The following FBXW8 variants were observed in gnomAD, a reference collection of about 807,000 sequenced individuals.
The protein encoded by FBXW8 is F-box/WD repeat-containing protein 8.
In FBXW8, 57 loss-of-function variants were observed where a neutral mutation model predicts 65.3. The observed-to-expected ratio is 0.87, with a 90% CI of 0.71 to 1.09. The LOEUF (loss-of-function observed/expected upper bound fraction) is 1.09, where lower values mean the gene tolerates loss of function less well. Among genes scored for constraint, FBXW8 ranks in the 50% least tolerant of loss-of-function variants. The pLI, the probability that FBXW8 is intolerant of heterozygous loss-of-function variation, is 0.00. For missense variants in FBXW8, 777 were observed against 814.8 expected (o/e 0.95, Z 0.57); for synonymous variants, 308 against 330.2 (o/e 0.93, Z 0.73).
At chr12:117,002,465 G>A (rs1953551800) in intron 7 of FBXW8, 1 of 152,228 alleles carries the variant, frequency 6.6e-6, no homozygotes, top group Admixed American at 6.5e-5. Context: ...AGGGGGTCAG[G>A]GATCCATTTC....
chr12:117,019,559 C>T (rs927232389), intron 8 of FBXW8, among the ~76,000 whole-genome samples: 9 of 152,166 alleles, frequency 5.9e-5, no homozygotes, highest in African/African-American at 2.2e-4. Context: ...TGTCCTAAAA[C>T]GACGTGTTGT....
intron 4 of FBXW8, among the ~76,000 whole-genome samples, chr12:116,952,048 A>T (rs1883317604): frequency 6.6e-6 from 1 of 152,154 alleles, no homozygotes; most frequent in Non-Finnish European, 1.5e-5. Flanking sequence ...TTTCTTTCCA[A>T]GCTACCTTTT....
intron 8 of FBXW8, among the ~76,000 whole-genome samples, chr12:117,017,647 A>C (rs1953983708): frequency 6.6e-6 from 1 of 152,220 alleles, no homozygotes; most frequent in Non-Finnish European, 1.5e-5. Context: ...TTTCTTTAAA[A>C]AAATACTATT....
chr12:116,976,450 CTTTT>C (rs35364851), intron 5 of FBXW8, among the ~76,000 whole-genome samples: 2 of 64,608 alleles, frequency 3.1e-5, no homozygotes, highest in Admixed American at 2.8e-4. Context: ...CCAAAGGATC[CTTTT>C]TTTTTTTTTT....
intron 7 of FBXW8, among the ~76,000 whole-genome samples, chr12:117,001,656 A>G (rs1204369243): frequency 1.3e-5 from 2 of 152,118 alleles, no homozygotes; most frequent in Non-Finnish European, 2.9e-5. Context: ...TCCGTGTGTC[A>G]GTGTTCCTGG....
At chr12:116,997,552 G>T (rs890305802) in intron 7 of FBXW8, among the ~76,000 whole-genome samples, 41 of 152,124 alleles carry the variant, frequency 2.7e-4, no homozygotes, top group African/African-American at 8.9e-4. Flanking sequence ...CACTTGTTAG[G>T]TGCCTCCTTC....
intron 7 of FBXW8, among the ~76,000 whole-genome samples, chr12:116,995,921 T>C (rs1464061418): frequency 6.6e-6 from 1 of 152,212 alleles, no homozygotes; most frequent in Non-Finnish European, 1.5e-5. Flanking sequence ...AAAAATACTT[T>C]CATCCATGGA....
At chr12:116,991,292 T>G (rs1337387025) in intron 7 of FBXW8, among the ~76,000 whole-genome samples, 1 of 152,244 alleles carries the variant, frequency 6.6e-6, no homozygotes, top group Non-Finnish European at 1.5e-5. Flanking sequence ...TGCTTATTTT[T>G]ACAGAGACAA....
intron 8 of FBXW8, among the ~76,000 whole-genome samples, chr12:117,010,866 T>C (rs1041950552): frequency 6.6e-6 from 1 of 152,216 alleles, no homozygotes; most frequent in African/African-American, 2.4e-5. Context: ...AGAGTGTATT[T>C]CAGAACACGG....
rs759311689 is a variant in FBXW8, at chr12:116,988,714, G to A, written c.1084G>A (p.Ala362Thr). 2.5e-6 allele frequency: 4 copies of A among 1,614,006 alleles called. No homozygotes were observed. In the African/African-American group the frequency reaches 5.3e-5, roughly 22 times the overall value. The change falls in exon 7 of 11, where the codon GCC becomes ACC. Residue 362 changes from alanine (A) to threonine (T), a missense_variant. Ala to Thr is a moderately conservative substitution (Grantham distance 58). Transcript: ENST00000652555. ...PETRRYPVAV[A>T]AAGDLMYLLK... Reference sequence around the variant, plus strand: ...AACCAGAAGGTACCCTGTGGCAGTAGCCGCTGCTGGAGATCTGATGTACCT... The same window carrying A: ...AACCAGAAGGTACCCTGTGGCAGTAACCGCTGCTGGAGATCTGATGTACCT...
Position 116,911,068 on chromosome 12 carries a change from C to T in FBXW8, c.31C>T (p.Arg11Trp), listed in dbSNP as rs374397512. 3 of 1,449,122 alleles carry T rather than the reference C, an allele frequency of 2.1e-6. No homozygotes were observed. Among genetic ancestry groups the T allele is most frequent in the Middle Eastern group, 1.9e-4 (1 of 5,230 alleles). The allele number at this position is 1,449,122 out of a possible 1,614,324, so 89.8% of individuals were successfully genotyped here. MDDYSLDEFR[R>W]RWQEELAQAQ... ...CGACTACAGCCTGGATGAGTTCCGT[C>T]GGCGCTGGCAGGAGGAGCTGGCGCA... Residue 11 changes from arginine to tryptophan, a missense_variant, in exon 1 of 11, where the codon CGG becomes TGG. Physicochemically the swap from Arg to Trp is moderately radical, Grantham distance 101 (BLOSUM62 -3). Transcript: ENST00000652555.
At chr12:116,992,776 G>GTGTGTC (rs1592935076) in intron 7 of FBXW8, among the ~76,000 whole-genome samples, 1 of 149,488 alleles carries the variant, frequency 6.7e-6, no homozygotes, top group South Asian at 2.1e-4. Flanking sequence ...GTGTGTGTGT[G>GTGTGTC]TGTGTGTGTG....
At chr12:116,938,137 T>A (rs1300583334) in intron 2 of FBXW8, among the ~76,000 whole-genome samples, 1 of 152,222 alleles carries the variant, frequency 6.6e-6, no homozygotes, top group African/African-American at 2.4e-5. Context: ...GGTCTTTTTC[T>A]TGTTGATTTT....
chr12:117,027,252 TGG>T, intron 9 of FBXW8, 140 bp from the exon 10 acceptor site: 1 of 668,288 alleles, frequency 1.5e-6, no homozygotes, highest in Non-Finnish European at 2.6e-6. Flanking sequence ...ACTGCTTCCA[TGG>T]GGGCCCTGTT....
intron 2 of FBXW8, among the ~76,000 whole-genome samples, chr12:116,934,962 C>A (rs1225905101): frequency 6.6e-6 from 1 of 152,168 alleles, no homozygotes; most frequent in Non-Finnish European, 1.5e-5. Flanking sequence ...GACCCTTTCA[C>A]CCCCAGCTCC....
chr12:116,952,875 C>T (rs1352733052), intron 4 of FBXW8, among the ~76,000 whole-genome samples: 3 of 152,102 alleles, frequency 2.0e-5, no homozygotes, highest in Non-Finnish European at 4.4e-5. Flanking sequence ...GTAGCTGGGA[C>T]TACGGGCGTG....
At chr12:116,912,581 TCC>T (rs1201691603) in intron 1 of FBXW8, among the ~76,000 whole-genome samples, 1 of 149,710 alleles carries the variant, frequency 6.7e-6, no homozygotes, top group East Asian at 2.0e-4. Flanking sequence ...TGCCTCAGCC[TCC>T]CCAGTAGCTG....
intron 3 of FBXW8, among the ~76,000 whole-genome samples, chr12:116,947,411 G>A (rs1157760679): frequency 6.6e-6 from 1 of 152,052 alleles, no homozygotes; most frequent in African/African-American, 2.4e-5. Flanking sequence ...ATGTAATGGT[G>A]GGATTCTTAC....
At chr12:117,022,842 T>A (rs1954132714) in intron 8 of FBXW8, among the ~76,000 whole-genome samples, 1 of 152,212 alleles carries the variant, frequency 6.6e-6, no homozygotes, top group Non-Finnish European at 1.5e-5. Context: ...CATCCTCCTT[T>A]ACAGATGTGT....
Sources: allele counts gnomAD v4.1 joint callset (sites outside exome capture counted in the v4.1 genomes callset), GRCh38; gene constraint gnomAD v4.1.1; transcripts MANE v1.5; gene names NCBI Gene and HGNC (gene_info 2026-07-23, HGNC 2026-07-21).